Variants in DPF3 observed in about 807,000 individuals in gnomAD.
DPF3 encodes double PHD fingers 3.
In DPF3, 18 loss-of-function variants were observed where a neutral mutation model predicts 56.8. The observed-to-expected ratio is 0.32, with a 90% CI of 0.22 to 0.47. The LOEUF (loss-of-function observed/expected upper bound fraction) is 0.47. DPF3 is among the 20% of genes least tolerant of loss of function. The probability of loss-of-function intolerance (pLI) is 1.00; values close to 1 mark genes in which losing one functional copy is unlikely to be tolerated. For missense variants in DPF3, 403 were observed against 488.8 expected, an observed-to-expected ratio of 0.82 and a Z score of 1.65; for synonymous variants, 188 against 180.2, an observed-to-expected ratio of 1.04 and a Z score of -0.35.
At chr14:72,825,276 A>AT in intron 1 of DPF3, among the ~76,000 whole-genome samples, 1 of 152,180 alleles carries the variant, frequency 6.6e-6, no homozygotes, top group East Asian at 1.9e-4. Flanking sequence ...TTCTGACCCC[A>AT]TCCCCCAGCA....
At chr14:72,844,496 T>C (rs987678295) in intron 1 of DPF3, among the ~76,000 whole-genome samples, 2 of 152,124 alleles carry the variant, frequency 1.3e-5, no homozygotes, top group Non-Finnish European at 2.9e-5. Flanking sequence ...GAATACAGGG[T>C]CCCTCAGAGG....
At position 72,705,590 on chromosome 14, in the gene DPF3, T is replaced by C. The variant is rs1409203817; in HGVS notation, c.604+8833A>G. 2.0e-5 allele frequency among the ~76,000 whole-genome samples: 3 copies of C among 152,138 alleles called. No homozygotes were observed. The East Asian group carries it at 5.8e-4, about 29-fold the overall frequency. ...TGGCTCTAAGCACCTCAGCCTGATG[T>C]TCCCAGCAACCCTGGTCTAACTCTG... On this transcript the variant is annotated intron_variant, in intron 6 of 10. Transcript: ENST00000556509.
chr14:72,699,565 C>A (rs1290010624), intron 6 of DPF3, among the ~76,000 whole-genome samples: 2 of 148,534 alleles, frequency 1.3e-5, no homozygotes, highest in Non-Finnish European at 3.0e-5. Flanking sequence ...GAAAAACTCA[C>A]ACAGGAGTGA....
At chr14:72,760,997 A>G (rs1891047353) in intron 2 of DPF3, among the ~76,000 whole-genome samples, 1 of 152,132 alleles carries the variant, frequency 6.6e-6, no homozygotes, top group Admixed American at 6.5e-5. Context: ...GGATTATTTT[A>G]TAATGATAAA....
At chr14:72,823,866 T>C (rs1883666600) in intron 1 of DPF3, among the ~76,000 whole-genome samples, 2 of 152,208 alleles carry the variant, frequency 1.3e-5, no homozygotes, top group African/African-American at 4.8e-5. Context: ...AGGGAGAGGC[T>C]GATCTATGCT....
chr14:72,794,865 T>C (rs1049491812), intron 1 of DPF3, among the ~76,000 whole-genome samples: 1 of 152,168 alleles, frequency 6.6e-6, no homozygotes, highest in Non-Finnish European at 1.5e-5. Flanking sequence ...GTTTCTTCCT[T>C]GACTTTTCCA....
intron 1 of DPF3, among the ~76,000 whole-genome samples, chr14:72,817,966 A>G (rs1433746313): frequency 6.6e-6 from 1 of 152,124 alleles, no homozygotes; most frequent in African/African-American, 2.4e-5. Flanking sequence ...AAATTCCAGA[A>G]GAAGGCCAAG....
intron 1 of DPF3, among the ~76,000 whole-genome samples, chr14:72,865,525 C>G (rs988885103): frequency 2.0e-5 from 3 of 152,140 alleles, no homozygotes; most frequent in Non-Finnish European, 4.4e-5. Context: ...GTGAAATCAT[C>G]GGCTGAGAGC....
chr14:72,874,201 A>G (rs1886018823), intron 1 of DPF3, among the ~76,000 whole-genome samples: 1 of 151,790 alleles, frequency 6.6e-6, no homozygotes, highest in Admixed American at 6.6e-5. Flanking sequence ...CCACCAAGCC[A>G]GGTGGAGTGG....
At chr14:72,639,820 A>G (rs1284035048) in intron 8 of DPF3, among the ~76,000 whole-genome samples, 1 of 152,138 alleles carries the variant, frequency 6.6e-6, no homozygotes, top group East Asian at 1.9e-4. Flanking sequence ...TGTTGTTTTA[A>G]GCTGTTGAGT....
At chr14:72,649,664 G>GGGA (rs1301518112) in intron 8 of DPF3, among the ~76,000 whole-genome samples, 2 of 132,616 alleles carry the variant, frequency 1.5e-5, no homozygotes, top group African/African-American at 5.7e-5. Context: ...CCTGGGTGGG[G>GGGA]GGGGGGATTA....
chr14:72,865,669 G>A (rs1885632101), intron 1 of DPF3, among the ~76,000 whole-genome samples: 1 of 152,184 alleles, frequency 6.6e-6, no homozygotes, highest in East Asian at 1.9e-4. Context: ...CCACAGGGGG[G>A]TAAGGAGCCC....
rs755379278 is a variant in DPF3 at position 72,612,514 on chromosome 14, G to A, written c.*6783C>T. On this transcript the variant is annotated 3_prime_UTR_variant, in exon 11 of 11. Coordinates refer to ENST00000556509, the MANE Select transcript of DPF3 (RefSeq NM_001280542.3). The stretch of plus-strand genomic sequence containing the variant: ...GGGGTATATTTTCTTTTTCCTATAC[G>A]CCACTGTTGCTTCCCACTTCCCACC... 9.7e-6 allele frequency: 5 copies of A among 517,072 alleles called. No homozygotes were observed. The highest frequency in any genetic ancestry group is 4.2e-5 in the South Asian group (3 of 71,530). 32.0% of individuals were successfully genotyped at this position (517,072 alleles called of 1,614,324 possible).
rs1349617724 is a variant in DPF3 at position 72,723,637 on chromosome 14, C to T, written c.521G>A (p.Gly174Glu). 3 of 1,569,484 alleles carry T rather than the reference C, an allele frequency of 1.9e-6. No homozygotes were observed. The highest frequency in any genetic ancestry group is 2.1e-5 in the Admixed American group (1 of 47,640). ...CTCATGTCATCCCCAACTTACCCGT[C>T]CTCTAGTCCTGTTCTTTCGCTTGGG... ...DIPKRKNRTR[G>E]RARGSAGGRR... Residue 174 changes from glycine to glutamate, a missense_variant, in exon 5 of 11, where the codon GGA becomes GAA. By Grantham distance (98) the Gly-to-Glu change is moderately conservative. This residue lies in a region of DPF3 where 340 missense variants were observed against 374.3 expected (regional missense o/e 0.91). Coordinates refer to ENST00000556509, the MANE Select transcript of DPF3 (RefSeq NM_001280542.3).
rs146648632 is a variant in DPF3, at chr14:72,826,160, C to T, written c.33-54267G>A. The stretch of plus-strand genomic sequence containing the variant: ...GACATGTGGAGAGAAAGTTGAATAG[C>T]ATGTCAGATAATAAACCAAGAAGAA... On this transcript the variant is annotated intron_variant, in intron 1 of 10. Coordinates refer to ENST00000556509, the MANE Select transcript of DPF3 (RefSeq NM_001280542.3). 7.6e-4 allele frequency among the ~76,000 whole-genome samples: 115 copies of T among 152,172 alleles called. 1 individual carries two copies. The East Asian group carries it at 0.02, about 26-fold the overall frequency.
intron 1 of DPF3, among the ~76,000 whole-genome samples, chr14:72,792,964 G>T (rs1306121015): frequency 1.3e-5 from 2 of 151,784 alleles, no homozygotes; most frequent in Non-Finnish European, 2.9e-5. Flanking sequence ...ACACAGAACT[G>T]GGTGTTATCT....
intron 3 of DPF3, among the ~76,000 whole-genome samples, chr14:72,745,450 C>T (rs535106822): frequency 2.6e-5 from 4 of 152,078 alleles, no homozygotes; most frequent in African/African-American, 9.6e-5. Context: ...TTATTACAAA[C>T]CATGCCACAA....
At chr14:72,770,975 G>A (rs1021845461) in intron 2 of DPF3, among the ~76,000 whole-genome samples, 38 of 94,946 alleles carry the variant, frequency 4.0e-4, no homozygotes, top group African/African-American at 1.4e-3. Flanking sequence ...TCAGGAGTTC[G>A]AGACAGCCTG....
intron 1 of DPF3, chr14:72,892,074 A>C (rs779360597): frequency 3.6e-5 from 53 of 1,472,606 alleles, no homozygotes; most frequent in Non-Finnish European, 4.5e-6. Flanking sequence ...ACAAGCTTAG[A>C]GATACTGCGC....
Sources: gnomAD v4.1 joint callset for allele counts (sites outside exome capture counted in the v4.1 genomes callset) on GRCh38, gnomAD v4.1.1 for gene constraint, gnomAD v4.1.1 regional missense constraint, MANE v1.5 for transcripts, NCBI Gene and HGNC (gene_info 2026-07-23, HGNC 2026-07-21) for gene names.